Variants in ABCC1 observed in about 807,000 individuals in gnomAD.
The protein encoded by ABCC1 is multidrug resistance-associated protein 1.
Under a neutral mutation model 172.9 loss-of-function variants are expected in ABCC1, and 83 were observed. The observed-to-expected ratio is 0.48, with a 90% CI of 0.40 to 0.58. The LOEUF (loss-of-function observed/expected upper bound fraction) is 0.58. Among genes scored for constraint, ABCC1 ranks in the 20% least tolerant of loss-of-function variants. The probability of loss-of-function intolerance (pLI) is 0.00; values close to 1 mark genes in which losing one functional copy is unlikely to be tolerated. For synonymous variants in ABCC1, 937 were observed against 825.2 expected (o/e 1.14, Z -2.32); for missense variants, 1,817 against 2,002.7 (o/e 0.91, Z 1.77).
At chr16:15,966,475 G>A (rs565107145) in intron 1 of ABCC1, among the ~76,000 whole-genome samples, 21 of 151,208 alleles carry the variant, frequency 1.4e-4, no homozygotes, top group Admixed American at 9.2e-4. Flanking sequence ...CTGGAGACCC[G>A]TGGCCAGGAA....
At chr16:16,014,390 T>G in intron 3 of ABCC1, 101 bp from the exon 4 acceptor site, 1 of 1,378,826 alleles carries the variant, frequency 7.3e-7, no homozygotes, top group Non-Finnish European at 9.7e-7. Flanking sequence ...AGGTTGCAAG[T>G]GAGCTGAGAT....
chr16:16,103,932 G>C (rs1030341980), intron 20 of ABCC1, among the ~76,000 whole-genome samples: 4 of 152,142 alleles, frequency 2.6e-5, no homozygotes, highest in African/African-American at 9.7e-5. Flanking sequence ...TCCTTCTGCT[G>C]TTCGGATGTG....
chr16:16,046,068 G>T, intron 9 of ABCC1, 55 bp downstream of exon 9: 1 of 1,582,870 alleles, frequency 6.3e-7, no homozygotes, highest in Non-Finnish European at 8.6e-7. Flanking sequence ...CCCTCCTGCA[G>T]CCCTGGGTTA....
intron 20 of ABCC1, 146 bp downstream of exon 20, chr16:16,102,863 C>CTT: frequency 1.3e-6 from 1 of 747,690 alleles, no homozygotes; most frequent in Non-Finnish European, 2.2e-6. Flanking sequence ...AAGGACCTTG[C>CTT]TTTTCAGAGT....
intron 1 of ABCC1, among the ~76,000 whole-genome samples, chr16:16,001,049 G>C (rs1244363824): frequency 6.6e-6 from 1 of 152,166 alleles, no homozygotes; most frequent in Non-Finnish European, 1.5e-5. Flanking sequence ...CTGCAACAGT[G>C]TCTAGAACAT....
chr16:16,056,379 A>G (rs774718818), intron 12 of ABCC1, 84 bp downstream of exon 12: 5 of 1,486,344 alleles, frequency 3.4e-6, no homozygotes, highest in Admixed American at 1.9e-5. Context: ...AAAGGTCACT[A>G]TGTTGCCCAG....
chr16:16,014,548 A>G lies in ABCC1; in HGVS notation c.409A>G (p.Ile137Val), dbSNP rs766226776. 6.2e-7 allele frequency: 1 copy of G among 1,614,130 alleles called. No homozygotes were observed. Among genetic ancestry groups the G allele is most frequent in the South Asian group, 1.1e-5 (1 of 91,084 alleles). Residue 137 changes from isoleucine (I) to valine (V), a missense_variant, in exon 4 of 31, where the codon ATC (isoleucine) becomes GTC (valine). Transcript: ENST00000399410. ...ERRKGVQSSG[I>V]MLTFWLVALV... The stretch of plus-strand genomic sequence containing the variant: ...GAGGAAGGGAGTTCAGTCTTCAGGG[A>G]TCATGCTCACTTTCTGGCTGGTAGC...
chr16:16,070,470 C>T (rs1243737436), intron 13 of ABCC1, among the ~76,000 whole-genome samples: 1 of 152,160 alleles, frequency 6.6e-6, no homozygotes, highest in Non-Finnish European at 1.5e-5. Context: ...GGAGACCATC[C>T]TGGCTAACAC....
intron 12 of ABCC1, among the ~76,000 whole-genome samples, chr16:16,059,120 A>G (rs1227411293): frequency 6.6e-6 from 1 of 152,196 alleles, no homozygotes; most frequent in Non-Finnish European, 1.5e-5. Context: ...CTCACTGCCT[A>G]AAGTCTGGTC....
intron 19 of ABCC1, among the ~76,000 whole-genome samples, chr16:16,102,318 C>T (rs1362048838): frequency 6.6e-6 from 1 of 152,240 alleles, no homozygotes; most frequent in Non-Finnish European, 1.5e-5. Flanking sequence ...CTACTGTTTT[C>T]TGGGCTGGGT....
Position 16,048,793 on chromosome 16 carries a change from C to T in ABCC1, c.1380+490C>T, listed in dbSNP as rs376246090. On this transcript the variant is annotated intron_variant, in intron 10 of 30. Transcript: ENST00000399410. ...CCTGAGATCAGGAGTTCGAGACCAG[C>T]CTCAACGTGGAGAAACCCCGTCTCT... is the stretch of plus-strand genomic sequence containing the variant. Among the ~76,000 whole-genome samples the T allele has an allele frequency of 2.6e-4, 40 of 152,216 alleles. 1 individual carries two copies. Among genetic ancestry groups the T allele is most frequent in the Admixed American group, 1.2e-3 (18 of 15,288 alleles).
At chr16:16,081,657 G>A (rs2050809553) in intron 16 of ABCC1, among the ~76,000 whole-genome samples, 1 of 152,124 alleles carries the variant, frequency 6.6e-6, no homozygotes. Flanking sequence ...AATTATTTGA[G>A]AATTTAGAGT....
intron 3 of ABCC1, among the ~76,000 whole-genome samples, chr16:16,013,074 G>A (rs2047853314): frequency 6.6e-6 from 1 of 152,226 alleles, no homozygotes; most frequent in South Asian, 2.1e-4. Context: ...GACTCCTCAG[G>A]GGACTCTGAG....
intron 1 of ABCC1, 52 bp from the exon 2 acceptor site, chr16:16,007,764 C>T: frequency 6.5e-7 from 1 of 1,530,286 alleles, no homozygotes; most frequent in Non-Finnish European, 8.8e-7. Flanking sequence ...AGGCGAGCTC[C>T]TGTCCTCTGG....
chr16:16,130,624 T>C (rs2045636867), intron 26 of ABCC1, among the ~76,000 whole-genome samples: 2 of 152,174 alleles, frequency 1.3e-5, no homozygotes, highest in African/African-American at 2.4e-5. Context: ...CCTAAAGATA[T>C]GGATAAGATA....
intron 1 of ABCC1, among the ~76,000 whole-genome samples, chr16:15,958,360 T>G (rs1020095774): frequency 1.3e-5 from 2 of 152,070 alleles, no homozygotes; most frequent in African/African-American, 4.8e-5. Context: ...CTTGAGTTCC[T>G]CAGCCTCCCA....
intron 5 of ABCC1, among the ~76,000 whole-genome samples, chr16:16,023,282 A>G (rs45560132): frequency 0.012 from 1,807 of 152,284 alleles, 44 homozygotes; most frequent in African/African-American, 0.042. Context: ...CAAGTAAATC[A>G]TTAGCTAGAG....
At position 16,125,856 on chromosome 16, in the gene ABCC1, A is replaced by C; in HGVS notation, c.3764A>C (p.Glu1255Ala). 1 of 1,614,118 alleles carries C rather than the reference A, an allele frequency of 6.2e-7. No homozygotes were observed. The highest frequency in any genetic ancestry group is 8.5e-7 in the Non-Finnish European group (1 of 1,180,006). Residue 1255 changes from glutamate (E) to alanine (A), a missense_variant, in exon 26 of 31, where the codon GAA becomes GCA. Around this residue, in one of 3 missense-constraint regions of ABCC1, gnomAD observed 1,412 missense variants for 1,600.3 expected, o/e 0.88. Transcript: ENST00000399410. ...NWLVRMSSEMETNIVAVERLK... is the reference protein window; with the variant it reads ...NWLVRMSSEMATNIVAVERLK... The stretch of plus-strand genomic sequence containing the variant: ...CTGGTTCGGATGTCATCTGAAATGG[A>C]AACCAACATCGTGGCCGTGGAGAGG...
At chr16:16,115,393 C>T (rs1487542378) in intron 23 of ABCC1, among the ~76,000 whole-genome samples, 1 of 152,078 alleles carries the variant, frequency 6.6e-6, no homozygotes, top group Non-Finnish European at 1.5e-5. Context: ...CTCGCTCTGT[C>T]ACCCAGGCTG....
Sources: allele counts gnomAD v4.1 joint callset (sites outside exome capture counted in the v4.1 genomes callset), GRCh38; gene constraint gnomAD v4.1.1; regional missense constraint gnomAD v4.1.1; transcripts MANE v1.5; gene names NCBI Gene and HGNC (gene_info 2026-07-23, HGNC 2026-07-21).